ZSCAN18: variants seen among roughly 807,000 people sequenced by gnomAD.
ZSCAN18 encodes the protein zinc finger and SCAN domain containing 18.
In ZSCAN18, 16 loss-of-function variants were observed where a neutral mutation model predicts 31.1. The ratio of observed to expected loss-of-function variants is 0.51; its 90% CI spans 0.35 to 0.78. ZSCAN18 has a LOEUF of 0.78. ZSCAN18 is among the 30% of genes least tolerant of loss of function. The probability of loss-of-function intolerance (pLI) is 0.01; values close to 1 mark genes in which losing one functional copy is unlikely to be tolerated. For synonymous variants in ZSCAN18, 375 were observed against 320.7 expected, an observed-to-expected ratio of 1.17 and a Z score of -1.81; for missense variants, 731 against 697.4, an observed-to-expected ratio of 1.05 and a Z score of -0.54.
At chr19:58,107,900 G>T in intron 1 of ZSCAN18, 1 of 1,073,748 alleles carries the variant, frequency 9.3e-7, no homozygotes, top group South Asian at 3.6e-5. Flanking sequence ...TGTCCCTGAA[G>T]GCTTTGCCAC....
intron 1 of ZSCAN18, among the ~76,000 whole-genome samples, chr19:58,111,102 A>C (rs2074679622): frequency 1.3e-5 from 2 of 151,912 alleles, no homozygotes; most frequent in Non-Finnish European, 2.9e-5. Context: ...CGGGAGGCGG[A>C]GCTTGCAGTG....
intron 6 of ZSCAN18, 181 bp from the exon 7 acceptor site, chr19:58,085,560 G>A (rs2074261570): frequency 5.4e-6 from 3 of 553,882 alleles, no homozygotes; most frequent in Non-Finnish European, 9.3e-6. Context: ...CATGCCCCGC[G>A]CCTGCTGCTG....
rs571691103 is a variant in ZSCAN18, at chr19:58,109,129, T to C, written c.130+9138A>G. 4.9e-6 allele frequency: 6 copies of C among 1,228,784 alleles called. No individual in the cohort carries two copies. The African/African-American group carries it at 7.8e-5, about 16-fold the overall frequency. The allele number at this position is 1,228,784 out of a possible 1,614,324, so 76.1% of individuals were successfully genotyped here. On this transcript the variant is annotated intron_variant, in intron 1 of 1. Transcript: ENST00000595721. ...GTGTGTGGATGCTGTTTGCCTCAAA[T>C]GCACCTCTGGATTTCTATGGAGCAT...
chr19:58,111,242 C>T (rs2074681075), intron 1 of ZSCAN18, among the ~76,000 whole-genome samples: 1 of 152,124 alleles, frequency 6.6e-6, no homozygotes, highest in African/African-American at 2.4e-5. Context: ...TTTGATTGGC[C>T]CTGAACTCCA....
At chr19:58,089,432 C>T (rs980922439) in intron 2 of ZSCAN18, among the ~76,000 whole-genome samples, 1 of 151,116 alleles carries the variant, frequency 6.6e-6, no homozygotes, top group Admixed American at 6.6e-5. Flanking sequence ...TTGATACCAT[C>T]CTGGCCAACA....
intron 5 of ZSCAN18, 172 bp downstream of exon 5, chr19:58,086,734 C>T (rs1599952756): frequency 1.7e-6 from 1 of 588,746 alleles, no homozygotes; most frequent in Non-Finnish European, 3.0e-6. Context: ...ATGTTTAGAT[C>T]AGAAAGGGTG....
rs184071497 is a variant in ZSCAN18, at chr19:58,103,551, A to G, written c.131-13165T>C. ...CTGGAGTGAAAGGAACCACGCCTAT[A>G]TAAGACAATGAACTCAGCAGATAAA... On this transcript the variant is annotated intron_variant, in intron 1 of 1. Coordinates refer to the ZSCAN18 transcript ENST00000595721. Among the ~76,000 whole-genome samples, 22 of 152,334 alleles carry G rather than the reference A, an allele frequency of 1.4e-4. No individual in the cohort carries two copies. In the South Asian group the frequency reaches 3.1e-3, roughly 22 times the overall value.
intron 1 of ZSCAN18, among the ~76,000 whole-genome samples, chr19:58,115,069 C>G (rs2547298): frequency 0.77 from 116,413 of 152,170 alleles, 45,154 homozygotes; most frequent in Non-Finnish European, 0.84. Flanking sequence ...TTGCAGGACA[C>G]TAAAGGAAGG....
chr19:58,097,805 AG>A (rs1338199104), intron 1 of ZSCAN18: 2 of 108,560 alleles, frequency 1.8e-5, no homozygotes, highest in African/African-American at 7.5e-5. Flanking sequence ...CCCCATCAGG[AG>A]CCTCCCCCTC....
upstream of ZSCAN18, among the ~76,000 whole-genome samples, chr19:58,101,824 T>C (rs962058795): frequency 1.3e-5 from 2 of 151,926 alleles, no homozygotes; most frequent in Non-Finnish European, 2.9e-5. Flanking sequence ...CCAGCCTTTT[T>C]TTTTTCTTTG....
At position 58,087,015 on chromosome 19, in the gene ZSCAN18, C is replaced by T. The variant is rs1406548207; in HGVS notation, c.643-7G>A. 2 of 1,611,020 alleles carry T rather than the reference C, an allele frequency of 1.2e-6. No homozygotes were observed. The highest frequency in any genetic ancestry group is 1.7e-5 in the Admixed American group (1 of 59,868). Reference sequence around the variant, plus strand: ...CTGGAAAGGACTTCAGCTTCTGAAACATTAGTCGTGGCTGAGACCTCCCAC... The same window carrying T: ...CTGGAAAGGACTTCAGCTTCTGAAATATTAGTCGTGGCTGAGACCTCCCAC... On this transcript the variant is annotated splice_polypyrimidine_tract_variant and splice_region_variant and intron_variant, in intron 4 of 6. Coordinates refer to ENST00000601144, the MANE Select transcript of ZSCAN18 (RefSeq NM_001145543.2).
chr19:58,114,998 T>G (rs12462540), intron 1 of ZSCAN18, among the ~76,000 whole-genome samples: 1 of 152,092 alleles, frequency 6.6e-6, no homozygotes, highest in Non-Finnish European at 1.5e-5. Flanking sequence ...AAAAAACAAC[T>G]ATGGAGTTAC....
At position 58,085,295 on chromosome 19, in the gene ZSCAN18, G is replaced by C. The variant is rs1254138367; in HGVS notation, c.923C>G (p.Ala308Gly). 1 of 1,598,768 alleles carries C rather than the reference G, an allele frequency of 6.3e-7. No homozygotes were observed. Among genetic ancestry groups the C allele is most frequent in the Non-Finnish European group, 8.5e-7 (1 of 1,177,662 alleles). ...ATCGGCAAGGGCGTCCCCAGGGGGCGCCTCCGTAGGCAGCTCAGGCAGCAC... is the reference window on the plus strand; with the variant it reads ...ATCGGCAAGGGCGTCCCCAGGGGGCCCCTCCGTAGGCAGCTCAGGCAGCAC... ...AGVLPELPTE[A>G]PPGDALADPP... The change falls in exon 7 of 7, where the codon GCG (alanine) becomes GGG (glycine). Residue 308 changes from alanine to glycine, a missense_variant. Coordinates refer to ENST00000601144, the MANE Select transcript of ZSCAN18 (RefSeq NM_001145543.2).
chr19:58,110,258 C>T (rs2074670481), intron 1 of ZSCAN18, among the ~76,000 whole-genome samples: 2 of 152,198 alleles, frequency 1.3e-5, no homozygotes, highest in South Asian at 4.1e-4. Flanking sequence ...TCAGTGTCTC[C>T]TGATGCTTTG....
At chr19:58,104,382 C>A (rs167182) in intron 1 of ZSCAN18, among the ~76,000 whole-genome samples, 24,272 of 104,006 alleles carry the variant, frequency 0.23, 1,988 homozygotes, top group African/African-American at 0.29. Context: ...GTCTCAAAAA[C>A]AAAACAAAAC....
rs967027459 is a variant in ZSCAN18, at chr19:58,106,967, G to A, written c.130+11300C>T. The stretch of plus-strand genomic sequence containing the variant: ...TTTAGTAGAGATGAGGTTTCAGCAT[G>A]TTGGTCAGGCTTGTCTCGAAATCCT... On this transcript the variant is annotated intron_variant, in intron 1 of 1. Coordinates refer to the ZSCAN18 transcript ENST00000595721. 3.3e-5 allele frequency among the ~76,000 whole-genome samples: 5 copies of A among 151,716 alleles called. 1 individual carries two copies. The highest frequency in any genetic ancestry group is 6.8e-3 in the Middle Eastern group (2 of 294).
intron 3 of ZSCAN18, 174 bp downstream of exon 3, chr19:58,088,514 T>C (rs2074332285): frequency 9.8e-6 from 6 of 609,988 alleles, no homozygotes; most frequent in Admixed American, 2.9e-5. Flanking sequence ...TGAAGACTAA[T>C]TTAATAAACA....
chr19:58,107,978 C>A, intron 1 of ZSCAN18: 1 of 1,049,842 alleles, frequency 9.5e-7, no homozygotes, highest in South Asian at 4.0e-5. Flanking sequence ...CCGCGATGTT[C>A]CTGAAAAGTT....
rs763084576 is a variant in ZSCAN18 at position 58,090,060 on chromosome 19, G to A, written c.208C>T (p.Leu70=). 5 of 1,613,904 alleles carry A rather than the reference G, an allele frequency of 3.1e-6. No homozygotes were observed. The Admixed American group carries it at 8.3e-5, about 27-fold the overall frequency. The change falls in exon 2 of 7, where the codon CTG becomes TTG. Residue 70 remains leucine, a synonymous_variant. Transcript: ENST00000601144. The surrounding 1 kb of genome is among the most constrained non-coding windows in gnomAD (Gnocchi z 4.7). ...AAGPHQTLAR[L]HELCRQWLMP... is the part of the protein sequence containing the mutation. The stretch of plus-strand genomic sequence containing the variant: ...AGCCACTGGCGGCACAGCTCATGCA[G>A]CCGGGCCAGGGTCTGGTGGGGCCCG...
Sources: allele counts gnomAD v4.1 joint callset (sites outside exome capture counted in the v4.1 genomes callset), GRCh38; gene constraint gnomAD v4.1.1; non-coding constraint Gnocchi (gnomAD v3.1); transcripts MANE v1.5; gene names NCBI Gene and HGNC (gene_info 2026-07-23, HGNC 2026-07-21).